The following SIAE variants were observed in gnomAD, a reference collection of about 807,000 sequenced individuals.
The protein encoded by SIAE is sialic acid acetylesterase, also known as sialate O-acetylesterase.
Under a neutral mutation model 52.6 loss-of-function variants are expected in SIAE, and 39 were observed. The ratio of observed to expected loss-of-function variants is 0.74; its 90% CI spans 0.57 to 0.97. The LOEUF is 0.97. Among genes scored for constraint, SIAE ranks in the 50% least tolerant of loss-of-function variants. SIAE has a pLI of 0.00. For synonymous variants in SIAE, 233 were observed against 241.4 expected (o/e 0.97, Z 0.32); for missense variants, 592 against 662.1 (o/e 0.89, Z 1.16).
chr11:124,661,338 T>A (rs1164431915), intron 2 of SIAE, among the ~76,000 whole-genome samples: 10 of 152,234 alleles, frequency 6.6e-5, no homozygotes, highest in African/African-American at 2.2e-4. Context: ...GTCTGGGTTT[T>A]CCTAACAGCA....
chr11:124,649,228 A>G (rs1942982685), intron 5 of SIAE, among the ~76,000 whole-genome samples: 1 of 152,018 alleles, frequency 6.6e-6, no homozygotes, highest in Non-Finnish European at 1.5e-5. Flanking sequence ...CTCATGAGCA[A>G]GTTACTAAGT....
chr11:124,652,554 C>T (rs1342345875), intron 4 of SIAE, among the ~76,000 whole-genome samples: 2 of 151,848 alleles, frequency 1.3e-5, no homozygotes, highest in African/African-American at 2.4e-5. Context: ...ATTAGCTGGG[C>T]GTGGTGGGGC....
At chr11:124,673,899 C>T, upstream of SIAE, 1 of 627,288 alleles carries the variant, frequency 1.6e-6, no homozygotes, top group Non-Finnish European at 2.7e-6. Flanking sequence ...AAACGGTTAC[C>T]CAGCAACTAG....
intron 8 of SIAE, 146 bp downstream of exon 8, chr11:124,639,564 G>A: frequency 1.1e-6 from 1 of 948,520 alleles, no homozygotes; most frequent in Non-Finnish European, 1.7e-6. Flanking sequence ...TGTTGAGGGT[G>A]TTTGCTGTTG....
At chr11:124,656,141 C>CA (rs1016955601) in intron 3 of SIAE, among the ~76,000 whole-genome samples, 24 of 150,764 alleles carry the variant, frequency 1.6e-4, no homozygotes, top group Admixed American at 3.3e-4. Context: ...TTGCAAAATC[C>CA]AAAAAAAAAT....
rs1555096044 is a variant in SIAE, at chr11:124,641,975, A to AAG, written c.967-2109_967-2108insCT. ...ACTCCATCTCAAAAAAAAAAAAAAA[A>AAG]AAAAAAGAAACCAAAATAAAGGACT... On this transcript the variant is annotated intron_variant, in intron 7 of 9. Transcript: ENST00000263593. Among the ~76,000 whole-genome samples the AAG allele has an allele frequency of 6.6e-4, 99 of 149,728 alleles. 1 individual carries two copies. Among genetic ancestry groups the AAG allele is most frequent in the African/African-American group, 2.0e-3 (78 of 39,730 alleles).
Position 124,648,285 on chromosome 11 carries a change from C to T in SIAE, c.723-110G>A, listed in dbSNP as rs532007500. ...ACTTGTGGTAAACTTCTGATGAAAG[C>T]AACACAGAATTAAAATTGAATCGAA... On this transcript the variant is annotated intron_variant, in intron 5 of 9. Coordinates refer to ENST00000263593, the MANE Select transcript of SIAE (RefSeq NM_170601.5). The T allele has an allele frequency of 9.0e-6, 7 of 775,904 alleles. No individual in the cohort carries two copies. In the East Asian group the frequency reaches 1.3e-4, roughly 14 times the overall value. The allele number at this position is 775,904 out of a possible 1,614,324, so 48.1% of individuals were successfully genotyped here.
At position 124,648,253 on chromosome 11, in the gene SIAE, C is replaced by T. The variant is rs920092259; in HGVS notation, c.723-78G>A. The T allele has an allele frequency of 7.9e-6, 8 of 1,014,692 alleles. No homozygotes were observed. The African/African-American group carries it at 1.3e-4, about 16-fold the overall frequency. 62.9% of individuals were successfully genotyped at this position (1,014,692 alleles called of 1,614,324 possible). ...AAGGGTCCCTAATTGGTCATCTATC[C>T]ACTTTCACTTGTGGTAAACTTCTGA... On this transcript the variant is annotated intron_variant, in intron 5 of 9. Coordinates refer to ENST00000263593, the MANE Select transcript of SIAE (RefSeq NM_170601.5).
chr11:124,669,208 A>G (rs1446826853), intron 2 of SIAE, 152 bp downstream of exon 2: 2 of 1,056,524 alleles, frequency 1.9e-6, no homozygotes, highest in African/African-American at 1.6e-5. Context: ...GCCTAAGCAC[A>G]TGGCAAATAT....
intron 5 of SIAE, among the ~76,000 whole-genome samples, chr11:124,648,688 C>T (rs547937633): frequency 1.1e-4 from 16 of 152,218 alleles, no homozygotes; most frequent in Admixed American, 3.3e-4. Context: ...GCTCTGAACA[C>T]GTTCTCAAAT....
intron 7 of SIAE, among the ~76,000 whole-genome samples, chr11:124,640,610 T>C (rs1238829395): frequency 2.0e-5 from 3 of 152,204 alleles, no homozygotes; most frequent in Non-Finnish European, 2.9e-5. Context: ...AATCTGCCCT[T>C]GAGCATGTGC....
In SIAE at chr11:124,638,726, C is replaced by T. The variant is rs765816539; in HGVS notation, c.1136G>A (p.Arg379Gln). 3.1e-6 allele frequency: 5 copies of T among 1,613,718 alleles called. No individual in the cohort carries two copies. Among genetic ancestry groups the T allele is most frequent in the African/African-American group, 1.3e-5 (1 of 74,848 alleles). ...CCGATAAGCCACAGTCTGTTTATCT[C>T]GAGGGTGGATGCTACAGGATAAGGA... ...RDSPFGSIHP[R>Q]DKQTVAYRLH... The change falls in exon 9 of 10, where the codon CGA becomes CAA. Residue 379 changes from arginine (R) to glutamine (Q), a missense_variant. Transcript: ENST00000263593.
chr11:124,656,826 G>A (rs551439685), intron 3 of SIAE, among the ~76,000 whole-genome samples: 3 of 152,302 alleles, frequency 2.0e-5, no homozygotes, highest in Admixed American at 1.3e-4. Flanking sequence ...TCAGGGAGCA[G>A]GCGCTCCAGC....
chr11:124,660,821 C>T lies in SIAE; in HGVS notation c.230-18G>A. ...AGAGTGAGCTGAAATAGTAACAGGA[C>T]TCCAAGGAATTAATCAATCAATTAA... On this transcript the variant is annotated intron_variant, in intron 2 of 9. Coordinates refer to ENST00000263593, the MANE Select transcript of SIAE (RefSeq NM_170601.5). The T allele has an allele frequency of 6.2e-7, 1 of 1,613,612 alleles. No individual in the cohort carries two copies. The highest frequency in any genetic ancestry group is 8.5e-7 in the Non-Finnish European group (1 of 1,179,540).
At chr11:124,639,920 T>G in intron 7 of SIAE, 53 bp from the exon 8 acceptor site, 1 of 1,596,112 alleles carries the variant, frequency 6.3e-7, no homozygotes, top group Admixed American at 1.7e-5. Context: ...CACACTGGAG[T>G]CTTTTTCACT....
At chr11:124,642,838 G>A (rs1157468330) in intron 7 of SIAE, among the ~76,000 whole-genome samples, 1 of 152,190 alleles carries the variant, frequency 6.6e-6, no homozygotes, top group African/African-American at 2.4e-5. Flanking sequence ...CTAATCAGGT[G>A]AGTCCTTTCA....
chr11:124,659,648 A>AGGGGGG (rs35611879), intron 3 of SIAE: 1 of 70,070 alleles, frequency 1.4e-5, no homozygotes, highest in Non-Finnish European at 2.9e-5. Flanking sequence ...AAAAAAAAAA[A>AGGGGGG]GGGGGGGGGG....
At chr11:124,655,793 T>G (rs1943089960) in intron 3 of SIAE, among the ~76,000 whole-genome samples, 1 of 152,206 alleles carries the variant, frequency 6.6e-6, no homozygotes, top group African/African-American at 2.4e-5. Flanking sequence ...GTTTATAGCC[T>G]ACAAACATCC....
Position 124,660,735 on chromosome 11 carries a change from G to T in SIAE, c.298C>A (p.Gln100Lys), listed in dbSNP as rs1943174539. Residue 100 changes from glutamine (Q) to lysine (K), a missense_variant, in exon 3 of 10, where the codon CAA becomes AAA. Transcript: ENST00000263593. Reference protein sequence around the residue: ...KPGGPFEVMAQQTLEKINFTL... With the variant: ...KPGGPFEVMAKQTLEKINFTL... ...AAGTTTATTTTCTCCAAAGTCTGTT[G>T]TGCCATCACTTCGAAAGGTCCTCCA... 6.2e-7 allele frequency: 1 copy of T among 1,614,184 alleles called. No homozygotes were observed. Among genetic ancestry groups the T allele is most frequent in the Admixed American group, 1.7e-5 (1 of 60,028 alleles).
Sources: gnomAD v4.1 joint callset for allele counts (sites outside exome capture counted in the v4.1 genomes callset) on GRCh38, gnomAD v4.1.1 for gene constraint, MANE v1.5 for transcripts, NCBI Gene and HGNC (gene_info 2026-07-23, HGNC 2026-07-21) for gene names.